Variants in ATP7A observed in about 807,000 individuals in gnomAD.
The protein encoded by ATP7A is ATPase copper transporting alpha, also known as copper-transporting ATPase 1.
ATP7A carries 7 observed loss-of-function variants against 83.5 expected under a neutral mutation model. The observed-to-expected ratio is 0.08, with a 90% CI of 0.05 to 0.16. ATP7A has a LOEUF of 0.16. ATP7A is among the 10% of genes least tolerant of loss of function. ATP7A has a pLI of 1.00. For synonymous variants in ATP7A, 354 were observed against 395.2 expected (o/e 0.90, Z 1.24); for missense variants, 940 against 1,120.8 (o/e 0.84, Z 2.30).
chrX:77,918,184 A>G (rs1327516008), intron 1 of ATP7A, among the ~76,000 whole-genome samples: 1 of 108,158 alleles, frequency 9.2e-6, no homozygotes, highest in Non-Finnish European at 1.9e-5. Context: ...CTCCTACTTC[A>G]GCATTCCAAG....
At chrX:77,980,486 A>G (rs1441313079) in intron 2 of ATP7A, among the ~76,000 whole-genome samples, 2 of 110,190 alleles carry the variant, frequency 1.8e-5, no homozygotes, top group Non-Finnish European at 3.8e-5. Context: ...GACCACATCA[A>G]TGCTAGCAGT....
At chrX:77,967,948 C>CT (rs1197019875) in intron 1 of ATP7A, among the ~76,000 whole-genome samples, 114 of 105,887 alleles carry the variant, frequency 1.1e-3, no homozygotes, top group Middle Eastern at 4.8e-3. Context: ...TGTTGTAATA[C>CT]TTTTTTTTTT....
intron 14 of ATP7A, among the ~76,000 whole-genome samples, chrX:78,024,257 A>C (rs1482443299): frequency 8.9e-6 from 1 of 112,351 alleles, no homozygotes; most frequent in Non-Finnish European, 1.9e-5. Flanking sequence ...CTTTTTGCTT[A>C]GGATTGCTTC....
chrX:78,002,799 T>TACACACAC (rs781808445), intron 5 of ATP7A, among the ~76,000 whole-genome samples: 126 of 87,122 alleles, frequency 1.4e-3, no homozygotes, highest in African/African-American at 3.8e-3. Flanking sequence ...TATGTTCTTA[T>TACACACAC]ACACACACAC....
At chrX:77,984,556 C>T (rs1557231192) in intron 2 of ATP7A, among the ~76,000 whole-genome samples, 1 of 110,465 alleles carries the variant, frequency 9.1e-6, no homozygotes, top group Non-Finnish European at 1.9e-5. Context: ...TTGGTAGAGA[C>T]GGGTTTTCCT....
chrX:77,979,751 C>A (rs1425414366), intron 2 of ATP7A, among the ~76,000 whole-genome samples: 1 of 112,208 alleles, frequency 8.9e-6, no homozygotes, highest in African/African-American at 3.2e-5. Context: ...TAACAGAATT[C>A]AAAAAGAGTG....
chrX:77,932,740 G>A (rs376630406), intron 1 of ATP7A, among the ~76,000 whole-genome samples: 1 of 112,302 alleles, frequency 8.9e-6, no homozygotes. Context: ...CCGTCTCCAC[G>A]AAAAAAGTAT....
intron 1 of ATP7A, among the ~76,000 whole-genome samples, chrX:77,920,634 C>T (rs1557223005): frequency 9.0e-6 from 1 of 110,909 alleles, no homozygotes; most frequent in Non-Finnish European, 1.9e-5. Context: ...CTGCAAAGGA[C>T]ATGATTTTGG....
At chrX:77,958,626 G>A (rs1239185878) in intron 1 of ATP7A, among the ~76,000 whole-genome samples, 2 of 110,395 alleles carry the variant, frequency 1.8e-5, no homozygotes, top group Non-Finnish European at 3.8e-5. Context: ...TTTCCTATGT[G>A]AAGACTGTCA....
At chrX:78,027,365 A>G (rs1372957434) in intron 14 of ATP7A, among the ~76,000 whole-genome samples, 4 of 111,730 alleles carry the variant, frequency 3.6e-5, no homozygotes, top group Non-Finnish European at 7.5e-5. Context: ...ATAATCACAC[A>G]CAAAACATAC....
intron 1 of ATP7A, among the ~76,000 whole-genome samples, chrX:77,951,582 CTTTT>C: frequency 1.0e-5 from 1 of 99,487 alleles, no homozygotes. Flanking sequence ...AGCACAAGAC[CTTTT>C]TTTTTTTTTT....
intron 1 of ATP7A, chrX:77,963,354 C>G (rs930458664): frequency 3.6e-5 from 4 of 112,007 alleles, no homozygotes; most frequent in Admixed American, 2.8e-4. Flanking sequence ...TTCGATATCC[C>G]CAGCACCTAA....
chrX:77,930,600 T>C (rs782278138), intron 1 of ATP7A, among the ~76,000 whole-genome samples: 8 of 112,049 alleles, frequency 7.1e-5, no homozygotes, highest in African/African-American at 2.3e-4. Flanking sequence ...GCTCTAGAGT[T>C]AGGCTTCCTG....
intron 5 of ATP7A, 77 bp downstream of exon 5, chrX:77,998,761 T>C (rs2077720787): frequency 9.8e-7 from 1 of 1,022,743 alleles, no homozygotes; most frequent in Admixed American, 2.3e-5. Context: ...ACATGTTTTG[T>C]AACTATGTTA....
intron 12 of ATP7A, among the ~76,000 whole-genome samples, chrX:78,019,939 G>A (rs1557235557): frequency 9.0e-6 from 1 of 111,091 alleles, no homozygotes; most frequent in Non-Finnish European, 1.9e-5. Context: ...TATTACAAAC[G>A]AAAACTCCCT....
rs1557239423 is a variant in ATP7A, at chrX:78,048,317, T to C, written c.*1747T>C. 1 of 112,460 alleles carries C rather than the reference T, an allele frequency of 8.9e-6. No homozygotes were observed. Among genetic ancestry groups the C allele is most frequent in the Non-Finnish European group, 1.9e-5 (1 of 53,297 alleles). The allele number at this position is 112,460 out of a possible 1,213,427, so 9.3% of individuals were successfully genotyped here. On this transcript the variant is annotated 3_prime_UTR_variant, in exon 23 of 23. Transcript: ENST00000341514. ...ACTCATAAGTAAATTCCTAACATTT[T>C]GTTCCCATTACCAGAAGCAAAGCTG...
intron 14 of ATP7A, among the ~76,000 whole-genome samples, chrX:78,025,508 G>A (rs1315294256): frequency 9.0e-6 from 1 of 111,272 alleles, no homozygotes; most frequent in African/African-American, 3.3e-5. Context: ...GCAAGACGAG[G>A]TAGCCATATT....
At chrX:78,033,190 C>T (rs886108241) in intron 16 of ATP7A, among the ~76,000 whole-genome samples, 7 of 112,006 alleles carry the variant, frequency 6.2e-5, no homozygotes, top group African/African-American at 2.3e-4. Flanking sequence ...CTGCAACTTC[C>T]GTCTCCTGAG....
chrX:78,010,139 C>G (rs1469701200), intron 7 of ATP7A, among the ~76,000 whole-genome samples: 3 of 112,535 alleles, frequency 2.7e-5, no homozygotes, highest in Non-Finnish European at 5.6e-5. Flanking sequence ...ACTAGTTTTA[C>G]TGAGTACCTG....
Sources: allele counts gnomAD v4.1 joint callset (sites outside exome capture counted in the v4.1 genomes callset), GRCh38; gene constraint gnomAD v4.1.1; transcripts MANE v1.5; gene names NCBI Gene and HGNC (gene_info 2026-07-23, HGNC 2026-07-21).